The following MACROD2 variants were observed in gnomAD, a reference collection of about 807,000 sequenced individuals.
The protein encoded by MACROD2 is mono-ADP ribosylhydrolase 2, also known as ADP-ribose glycohydrolase MACROD2.
Under a neutral mutation model 70.4 loss-of-function variants are expected in MACROD2, and 36 were observed. That is an observed-to-expected ratio of 0.51 (90% CI 0.39 to 0.68). MACROD2 has a LOEUF of 0.68. Ranked by LOEUF, MACROD2 falls within the 30% of genes least tolerant of loss-of-function variation. MACROD2 has a pLI of 0.00. For synonymous variants in MACROD2, 172 were observed against 178.8 expected, an observed-to-expected ratio of 0.96 and a Z score of 0.30; for missense variants, 496 against 538.4, an observed-to-expected ratio of 0.92 and a Z score of 0.78.
chr20:14,954,504 A>G, intron 5 of MACROD2, among the ~76,000 whole-genome samples: 1 of 141,164 alleles, frequency 7.1e-6, no homozygotes, highest in African/African-American at 2.6e-5. Context: ...ATATATAATT[A>G]TTATTATATA....
chr20:14,820,357 C>CT (rs11475238), intron 5 of MACROD2, among the ~76,000 whole-genome samples: 13,716 of 116,044 alleles, frequency 0.12, 853 homozygotes, highest in East Asian at 0.22. Flanking sequence ...ATTTTTCTTC[C>CT]TTTTTTTTTT....
intron 4 of MACROD2, chr20:14,622,964 A>G (rs1283336368): frequency 6.6e-6 from 1 of 152,168 alleles, no homozygotes; most frequent in African/African-American, 2.4e-5. Flanking sequence ...ACTCACGGCT[A>G]AGTCCCTCTA....
At chr20:14,320,663 A>ATTTTTTTTTTTTTTTTTTTTTTTTTTT (rs11087086) in intron 3 of MACROD2, among the ~76,000 whole-genome samples, 1 of 123,664 alleles carries the variant, frequency 8.1e-6, no homozygotes, top group African/African-American at 3.4e-5. Context: ...CACCTTTGGA[A>ATTTTTTTTTTTTTTTTTTTTTTTTTTT]TTTTTTTTTT....
chr20:14,600,702 C>A (rs923854433), intron 4 of MACROD2, among the ~76,000 whole-genome samples: 1 of 152,150 alleles, frequency 6.6e-6, no homozygotes. Context: ...AGAGCCAAGG[C>A]ACCTAAACGT....
intron 5 of MACROD2, among the ~76,000 whole-genome samples, chr20:14,813,911 C>A (rs1346513685): frequency 6.6e-6 from 1 of 151,890 alleles, no homozygotes; most frequent in South Asian, 2.1e-4. Flanking sequence ...TTCTGGTGAC[C>A]AGCCCCCATT....
chr20:15,906,745 T>C (rs2065152928), intron 10 of MACROD2, among the ~76,000 whole-genome samples: 1 of 152,262 alleles, frequency 6.6e-6, no homozygotes, highest in Non-Finnish European at 1.5e-5. Flanking sequence ...TCTACTCGAA[T>C]GTTTCCAATT....
chr20:15,265,038 A>G (rs916086031), intron 6 of MACROD2, among the ~76,000 whole-genome samples: 1 of 152,228 alleles, frequency 6.6e-6, no homozygotes, highest in African/African-American at 2.4e-5. Flanking sequence ...AAATCATTAC[A>G]TGAATTAATC....
chr20:14,113,427 T>C (rs180850555), intron 3 of MACROD2, among the ~76,000 whole-genome samples: 1 of 152,166 alleles, frequency 6.6e-6, no homozygotes, highest in East Asian at 1.9e-4. Context: ...ATGAACAGAA[T>C]AAATTATCAG....
intron 8 of MACROD2, among the ~76,000 whole-genome samples, chr20:15,845,653 G>T (rs1418082942): frequency 3.2e-4 from 49 of 151,916 alleles, no homozygotes; most frequent in Admixed American, 3.2e-3. Context: ...AGTAAGCACA[G>T]CAATCTAAAC....
Position 15,885,796 on chromosome 20 carries a change from A to G in MACROD2, c.760A>G (p.Met254Val). Residue 254 changes from methionine to valine, a missense_variant, in exon 10 of 18, where the codon ATG (methionine) becomes GTG (valine). By Grantham distance (21) the Met-to-Val change is conservative. Coordinates refer to ENST00000684519, the MANE Select transcript of MACROD2 (RefSeq NM_001351661.2). ...DNNEEEEDVE[M>V]KEDSDENGPE... The stretch of plus-strand genomic sequence containing the variant: ...TAATGAAGAAGAAGAGGATGTTGAA[A>G]TGAAAGAAGATTCAGGTATTAAATT... 1.3e-6 allele frequency: 2 copies of G among 1,497,646 alleles called. No individual in the cohort carries two copies. The highest frequency in any genetic ancestry group is 1.8e-6 in the Non-Finnish European group (2 of 1,124,926). 92.8% of individuals were successfully genotyped at this position (1,497,646 alleles called of 1,614,324 possible).
chr20:15,310,586 A>G (rs1216638250), intron 6 of MACROD2, among the ~76,000 whole-genome samples: 1 of 152,212 alleles, frequency 6.6e-6, no homozygotes, highest in Admixed American at 6.5e-5. Context: ...CAATTTAAGG[A>G]AGTGTTAATC....
intron 3 of MACROD2, among the ~76,000 whole-genome samples, chr20:14,373,389 A>G (rs138421227): frequency 1.3e-5 from 2 of 152,226 alleles, no homozygotes; most frequent in Non-Finnish European, 2.9e-5. Context: ...GTTGTATTAT[A>G]TACAAAAATA....
intron 7 of MACROD2, among the ~76,000 whole-genome samples, chr20:15,451,248 G>A (rs1463940503): frequency 6.6e-6 from 1 of 151,782 alleles, no homozygotes; most frequent in Non-Finnish European, 1.5e-5. Flanking sequence ...CAGTGTGAAG[G>A]ATGGAAGGAA....
chr20:15,054,853 C>T (rs1039224139), intron 5 of MACROD2, among the ~76,000 whole-genome samples: 2 of 152,024 alleles, frequency 1.3e-5, no homozygotes, highest in African/African-American at 2.4e-5. Flanking sequence ...GCATGATCTC[C>T]GCTCACTGCA....
At chr20:14,123,072 C>T (rs1303881295) in intron 3 of MACROD2, among the ~76,000 whole-genome samples, 1 of 152,026 alleles carries the variant, frequency 6.6e-6, no homozygotes, top group Non-Finnish European at 1.5e-5. Flanking sequence ...GTTTCATGAA[C>T]AAATGCAGAT....
chr20:15,995,988 A>G (rs373035860), intron 15 of MACROD2, among the ~76,000 whole-genome samples: 2 of 152,188 alleles, frequency 1.3e-5, no homozygotes, highest in South Asian at 4.2e-4. Context: ...GCAGACATCA[A>G]GCTACTGATT....
chr20:14,385,405 AC>A (rs1180808023), intron 3 of MACROD2, among the ~76,000 whole-genome samples: 4 of 150,550 alleles, frequency 2.7e-5, no homozygotes, highest in African/African-American at 9.7e-5. Context: ...AAAATGGGCC[AC>A]AAAAATTACA....
rs1467148113 is a variant in MACROD2 at position 14,510,731 on chromosome 20, A to G, written c.301+17223A>G. Among the ~76,000 whole-genome samples, 3 of 152,114 alleles carry G rather than the reference A, an allele frequency of 2.0e-5. No individual in the cohort carries two copies. In the East Asian group the frequency reaches 5.8e-4, roughly 29 times the overall value. ...CAGTTTTTATCTTCAGGAGGGCACA[A>G]ATAGCCTCTATCTGATTTCCCTATC... On this transcript the variant is annotated intron_variant, in intron 4 of 17. Coordinates refer to ENST00000684519, the MANE Select transcript of MACROD2 (RefSeq NM_001351661.2).
intron 10 of MACROD2, among the ~76,000 whole-genome samples, chr20:15,914,607 C>T (rs1356438399): frequency 5.9e-5 from 9 of 152,228 alleles, no homozygotes; most frequent in Admixed American, 5.9e-4. Flanking sequence ...TCTGTTTCTA[C>T]TCATAATACT....
Sources: allele counts gnomAD v4.1 joint callset (sites outside exome capture counted in the v4.1 genomes callset), GRCh38; gene constraint gnomAD v4.1.1; transcripts MANE v1.5; gene names NCBI Gene and HGNC (gene_info 2026-07-23, HGNC 2026-07-21).